Variants in SLC5A3 observed in about 807,000 individuals in gnomAD.
SLC5A3 encodes sodium/myo-inositol cotransporter.
In SLC5A3, 10 loss-of-function variants were observed where a neutral mutation model predicts 43.2. The ratio of observed to expected loss-of-function variants is 0.23; its 90% confidence interval spans 0.14 to 0.39. The LOEUF is 0.39. Among genes scored for constraint, SLC5A3 ranks in the 10% least tolerant of loss-of-function variants. The pLI, the probability that SLC5A3 is intolerant of heterozygous loss-of-function variation, is 1.00. For synonymous variants in SLC5A3, 349 were observed against 322.0 expected (o/e 1.08, Z -0.90); for missense variants, 608 against 893.4 (o/e 0.68, Z 4.07).
chr21:34,094,331 T>C (rs1038112842), intron 1 of SLC5A3, among the ~76,000 whole-genome samples: 16 of 152,146 alleles, frequency 1.1e-4, no homozygotes, highest in African/African-American at 3.6e-4. Context: ...GACTAGGCAG[T>C]ACTTGGTTTT....
chr21:34,095,895 C>T lies in SLC5A3; in HGVS notation c.697C>T (p.Leu233Phe). ...CACTTCCATCTTATTGACATACAAC[C>T]TTTCCAACACAAATTCTTGTAATGT... ...DVTSILLTYNLSNTNSCNVSP... is the reference protein window; with the variant it reads ...DVTSILLTYNFSNTNSCNVSP... The change falls in exon 2 of 2, where the codon CTT becomes TTT. Residue 233 changes from leucine (L) to phenylalanine (F), a missense_variant. This residue lies in a region of SLC5A3 where 398 missense variants were observed against 668.6 expected (regional missense o/e 0.60). Transcript: ENST00000381151. 1 of 1,614,132 alleles carries T rather than the reference C, an allele frequency of 6.2e-7. No homozygotes were observed. The highest frequency in any genetic ancestry group is 8.5e-7 in the Non-Finnish European group (1 of 1,179,992).
chr21:34,081,397 A>T (rs1461699310), intron 1 of SLC5A3, among the ~76,000 whole-genome samples: 3 of 152,200 alleles, frequency 2.0e-5, no homozygotes, highest in Non-Finnish European at 2.9e-5. Context: ...AGGTACGTAT[A>T]TATAGTTTTA....
rs893048949 is a variant in SLC5A3, at chr21:34,100,526, T to C, written c.*3171T>C. Reference sequence around the variant, plus strand: ...TAGATCTCATCTCCTAGGGCTTCCTTTTCACTTGGCTCAAAGGATCCATTG... The same window carrying C: ...TAGATCTCATCTCCTAGGGCTTCCTCTTCACTTGGCTCAAAGGATCCATTG... On this transcript the variant is annotated 3_prime_UTR_variant, in exon 2 of 2. Transcript: ENST00000381151. The C allele has an allele frequency of 7.2e-5, 72 of 1,000,130 alleles. No individual in the cohort carries two copies. The highest frequency in any genetic ancestry group is 8.4e-5 in the Non-Finnish European group (70 of 829,996). The allele number at this position is 1,000,130 out of a possible 1,614,324, so 62.0% of individuals were successfully genotyped here.
intron 1 of SLC5A3, among the ~76,000 whole-genome samples, chr21:34,089,095 C>T (rs547809443): frequency 7.2e-5 from 11 of 151,752 alleles, no homozygotes; most frequent in Admixed American, 3.9e-4. Context: ...GGTGTGATCT[C>T]GGCTCACTGC....
At position 34,104,040 on chromosome 21, in the gene SLC5A3, A is replaced by G. The variant is rs1458100658; in HGVS notation, c.*6685A>G. The G allele has an allele frequency of 1.0e-6, 1 of 1,000,032 alleles. No individual in the cohort carries two copies. The highest frequency in any genetic ancestry group is 1.7e-5 in the African/African-American group (1 of 57,228). 61.9% of individuals were successfully genotyped at this position (1,000,032 alleles called of 1,614,324 possible). A position where few individuals can be genotyped will look rare whatever the true frequency, so the allele number is the denominator to read the frequency against. The stretch of plus-strand genomic sequence containing the variant: ...CTTAACAGTGCCCCCCCAAACATGC[A>G]GAAAGTCATACTTTAACAGGGCAAA... On this transcript the variant is annotated 3_prime_UTR_variant, in exon 2 of 2. Transcript: ENST00000381151.
At position 34,102,796 on chromosome 21, in the gene SLC5A3, T is replaced by C. The variant is rs1979307100; in HGVS notation, c.*5441T>C. On this transcript the variant is annotated 3_prime_UTR_variant, in exon 2 of 2. Coordinates refer to ENST00000381151, the MANE Select transcript of SLC5A3 (RefSeq NM_006933.7). ...CCACTGAAAAGCACTATAACATAAT[T>C]GTTGTCCATGATACTGAAGCTTTTC... 15 of 999,992 alleles carry C rather than the reference T, an allele frequency of 1.5e-5. No individual in the cohort carries two copies. The highest frequency in any genetic ancestry group is 6.2e-5 in the Admixed American group (1 of 16,236). The allele number at this position is 999,992 out of a possible 1,614,324, so 61.9% of individuals were successfully genotyped here.
chr21:34,099,370 C>G lies in SLC5A3; in HGVS notation c.*2015C>G, dbSNP rs1979126456. The G allele has an allele frequency of 1.0e-6, 1 of 1,000,118 alleles. No homozygotes were observed. 62.0% of individuals were successfully genotyped at this position (1,000,118 alleles called of 1,614,324 possible). On this transcript the variant is annotated 3_prime_UTR_variant, in exon 2 of 2. Transcript: ENST00000381151. The stretch of plus-strand genomic sequence containing the variant: ...CATGGTTTGTTCAGATGTGTCTGGA[C>G]AAATGGTTGTCAATGTTTTGTCCTG...
rs768082218 is a variant in SLC5A3, at chr21:34,096,225, A to G, written c.1027A>G (p.Arg343Gly). Residue 343 changes from arginine to glycine, a missense_variant, in exon 2 of 2, where the codon AGA becomes GGA. This residue lies in a region of SLC5A3 where 398 missense variants were observed against 668.6 expected (regional missense o/e 0.60). Coordinates refer to ENST00000381151, the MANE Select transcript of SLC5A3 (RefSeq NM_006933.7). This position sits in a 1 kb window ranked among gnomAD's most constrained non-coding sequence, Gnocchi z 5.9. Reference sequence around the variant, plus strand: ...GCACTGCATGCTGGTGTGTGGAAGCAGAGCTGGTTGCTCCAATATTGCTTA... The same window carrying G: ...GCACTGCATGCTGGTGTGTGGAAGCGGAGCTGGTTGCTCCAATATTGCTTA... ...PEHCMLVCGS[R>G]AGCSNIAYPR... 1.1e-5 allele frequency: 18 copies of G among 1,614,208 alleles called. No individual in the cohort carries two copies. Among genetic ancestry groups the G allele is most frequent in the Non-Finnish European group, 1.5e-5 (18 of 1,180,020 alleles).
At position 34,100,752 on chromosome 21, in the gene SLC5A3, G is replaced by C. The variant is rs935933729; in HGVS notation, c.*3397G>C. The stretch of plus-strand genomic sequence containing the variant: ...GAGCCAATAGAGTGTGTCTGTATTC[G>C]CAGTCCATGGCTCATTTTCTTTATA... On this transcript the variant is annotated 3_prime_UTR_variant, in exon 2 of 2. Coordinates refer to ENST00000381151, the MANE Select transcript of SLC5A3 (RefSeq NM_006933.7). 1 of 999,992 alleles carries C rather than the reference G, an allele frequency of 1.0e-6. No homozygotes were observed. The allele number at this position is 999,992 out of a possible 1,614,324, so 61.9% of individuals were successfully genotyped here.
Position 34,098,757 on chromosome 21 carries a change from G to A in SLC5A3, c.*1402G>A. 7 of 1,000,168 alleles carry A rather than the reference G, an allele frequency of 7.0e-6. No homozygotes were observed. The highest frequency in any genetic ancestry group is 8.4e-6 in the Non-Finnish European group (7 of 829,980). The allele number at this position is 1,000,168 out of a possible 1,614,324, so 62.0% of individuals were successfully genotyped here. On this transcript the variant is annotated 3_prime_UTR_variant, in exon 2 of 2. Coordinates refer to ENST00000381151, the MANE Select transcript of SLC5A3 (RefSeq NM_006933.7). Reference sequence around the variant, plus strand: ...GGCTTGGCACCCACTTGCAGCTAGTGGGTACAGGGTACAAAAGATGTTAGA... The same window carrying A: ...GGCTTGGCACCCACTTGCAGCTAGTAGGTACAGGGTACAAAAGATGTTAGA...
rs941950866 is a variant in SLC5A3 at position 34,106,002 on chromosome 21, A to G, written c.*8647A>G. 4.1e-5 allele frequency: 41 copies of G among 995,444 alleles called. No homozygotes were observed. The highest frequency in any genetic ancestry group is 5.0e-5 in the Non-Finnish European group (41 of 825,652). The allele number at this position is 995,444 out of a possible 1,614,324, so 61.7% of individuals were successfully genotyped here. A position where few individuals can be genotyped will look rare whatever the true frequency, so the allele number is the denominator to read the frequency against. ...TGTTTTTGAAAGTGTTATTGTTTAA[A>G]AAATGAAAAAAGCATATCTGCTAAA... On this transcript the variant is annotated 3_prime_UTR_variant, in exon 2 of 2. Coordinates refer to ENST00000381151, the MANE Select transcript of SLC5A3 (RefSeq NM_006933.7).
chr21:34,101,266 C>G lies in SLC5A3; in HGVS notation c.*3911C>G, dbSNP rs576373748. The G allele has an allele frequency of 2.8e-5, 28 of 1,000,182 alleles. No individual in the cohort carries two copies. In the South Asian group the frequency reaches 5.2e-4, roughly 18 times the overall value. 62.0% of individuals were successfully genotyped at this position (1,000,182 alleles called of 1,614,324 possible). On this transcript the variant is annotated 3_prime_UTR_variant, in exon 2 of 2. Coordinates refer to ENST00000381151, the MANE Select transcript of SLC5A3 (RefSeq NM_006933.7). ...ATTTAGAGCTTGAAGCACCTTGGCT[C>G]TCAGCTACTTTAAACTCCTCCCCAT...
chr21:34,086,257 G>A (rs952425899), intron 1 of SLC5A3, among the ~76,000 whole-genome samples: 24 of 152,032 alleles, frequency 1.6e-4, no homozygotes, highest in African/African-American at 5.6e-4. Flanking sequence ...GTCTTGGGAG[G>A]GATAGATCAC....
At chr21:34,080,195 A>G (rs930587325) in intron 1 of SLC5A3, among the ~76,000 whole-genome samples, 1 of 152,216 alleles carries the variant, frequency 6.6e-6, no homozygotes, top group African/African-American at 2.4e-5. Context: ...ACTTATAACA[A>G]GGAAATAGTA....
rs774287970 is a variant in SLC5A3 at position 34,097,273 on chromosome 21, G to A, written c.2075G>A (p.Arg692Gln). ...TGTTTACAGATGCTAGAAGAGACTC[G>A]GCAAGTTAAAGTAATACTAAATATT... The part of the protein sequence containing the change: ...AVCLQMLEET[R>Q]QVKVILNIGL... Residue 692 changes from arginine to glutamine, a missense_variant, in exon 2 of 2, where the codon CGG (arginine) becomes CAG (glutamine). By Grantham distance (43) the Arg-to-Gln change is conservative (BLOSUM62 1). Coordinates refer to ENST00000381151, the MANE Select transcript of SLC5A3 (RefSeq NM_006933.7). 6.2e-6 allele frequency: 10 copies of A among 1,613,664 alleles called. No homozygotes were observed. The highest frequency in any genetic ancestry group is 4.5e-5 in the East Asian group (2 of 44,892).
chr21:34,092,799 ACT>A (rs902124438), intron 1 of SLC5A3, among the ~76,000 whole-genome samples: 2 of 151,966 alleles, frequency 1.3e-5, no homozygotes, highest in African/African-American at 4.8e-5. Context: ...AGAAATACCC[ACT>A]GTGTTTTTCT....
At chr21:34,092,451 G>A (rs531390011) in intron 1 of SLC5A3, among the ~76,000 whole-genome samples, 37 of 152,298 alleles carry the variant, frequency 2.4e-4, no homozygotes, top group African/African-American at 7.7e-4. Flanking sequence ...AGCCTAGGCG[G>A]AGAGTTGAGA....
In SLC5A3 at chr21:34,102,134, GT is replaced by G. The variant is rs1412827855; in HGVS notation, c.*4784del. 8 of 1,000,028 alleles carry G rather than the reference GT, an allele frequency of 8.0e-6. No homozygotes were observed. Among genetic ancestry groups the G allele is most frequent in the South Asian group, 4.7e-5 (1 of 21,282 alleles). 61.9% of individuals were successfully genotyped at this position (1,000,028 alleles called of 1,614,324 possible). ...CTGTCAAGGTCACTTAATATGGAAT[GT>G]TTTTGTCAGACTGTCCTTTGTTGGA... On this transcript the variant is annotated 3_prime_UTR_variant, in exon 2 of 2. Coordinates refer to ENST00000381151, the MANE Select transcript of SLC5A3 (RefSeq NM_006933.7).
chr21:34,088,488 G>A (rs910944595), intron 1 of SLC5A3, among the ~76,000 whole-genome samples: 4 of 152,160 alleles, frequency 2.6e-5, no homozygotes, highest in Non-Finnish European at 5.9e-5. Context: ...TTTATCTTAC[G>A]TGCTGTTTGC....
Sources: allele counts gnomAD v4.1 joint callset (sites outside exome capture counted in the v4.1 genomes callset), GRCh38; gene constraint gnomAD v4.1.1; regional missense constraint gnomAD v4.1.1; non-coding constraint Gnocchi (gnomAD v3.1); transcripts MANE v1.5; gene names NCBI Gene and HGNC (gene_info 2026-07-23, HGNC 2026-07-21).